Variants in NRXN3 observed in about 807,000 individuals in gnomAD.
NRXN3 encodes the protein neurexin III.
Under a neutral mutation model 137.6 loss-of-function variants are expected in NRXN3, and 32 were observed. That is an observed-to-expected ratio of 0.23 (90% CI 0.18 to 0.31). NRXN3 has a LOEUF of 0.31. Ranked by LOEUF, NRXN3 falls within the 10% of genes least tolerant of loss-of-function variation. The pLI, the probability that NRXN3 is intolerant of heterozygous loss-of-function variation, is 1.00. For missense variants in NRXN3, 1,574 were observed against 2,062.5 expected, an observed-to-expected ratio of 0.76 and a Z score of 4.59; for synonymous variants, 798 against 784.5, an observed-to-expected ratio of 1.02 and a Z score of -0.29.
intron 20 of NRXN3, among the ~76,000 whole-genome samples, chr14:79,847,720 A>G (rs1344134422): frequency 6.6e-6 from 1 of 152,158 alleles, no homozygotes; most frequent in East Asian, 1.9e-4. Flanking sequence ...TTCTCCTTAA[A>G]TCTCTTGGAA....
At chr14:79,724,280 T>A (rs1160400714) in intron 19 of NRXN3, among the ~76,000 whole-genome samples, 1 of 152,014 alleles carries the variant, frequency 6.6e-6, no homozygotes, top group Admixed American at 6.6e-5. Context: ...TGAGCTGGAG[T>A]CCTGACTGTG....
At chr14:79,810,701 A>C (rs1469581445) in intron 20 of NRXN3, among the ~76,000 whole-genome samples, 1 of 152,180 alleles carries the variant, frequency 6.6e-6, no homozygotes, top group Non-Finnish European at 1.5e-5. Context: ...CTGGATTCTT[A>C]ATCTTTATCA....
chr14:78,286,610 A>T (rs2075212882), intron 3 of NRXN3, among the ~76,000 whole-genome samples: 1 of 152,098 alleles, frequency 6.6e-6, no homozygotes, highest in South Asian at 2.1e-4. Flanking sequence ...AGCTTAGCTG[A>T]CTGTGACGAT....
At chr14:78,625,669 C>T (rs749069963) in intron 4 of NRXN3, among the ~76,000 whole-genome samples, 17 of 152,164 alleles carry the variant, frequency 1.1e-4, no homozygotes, top group Non-Finnish European at 2.4e-4. Context: ...TATCCTCCAT[C>T]AGAGGTGTAG....
At chr14:79,664,962 G>T (rs1427811262) in intron 17 of NRXN3, among the ~76,000 whole-genome samples, 2 of 152,028 alleles carry the variant, frequency 1.3e-5, no homozygotes, top group Non-Finnish European at 2.9e-5. Context: ...CAGTGAGGTG[G>T]GCACAATAAC....
At chr14:79,449,674 A>G (rs1003137190) in intron 15 of NRXN3, among the ~76,000 whole-genome samples, 2 of 152,186 alleles carry the variant, frequency 1.3e-5, no homozygotes, top group African/African-American at 4.8e-5. Context: ...ATGCAGTGTA[A>G]ATACTGATGT....
intron 15 of NRXN3, among the ~76,000 whole-genome samples, chr14:79,177,601 A>G (rs1202667042): frequency 6.6e-6 from 1 of 152,228 alleles, no homozygotes; most frequent in Non-Finnish European, 1.5e-5. Context: ...CTGAGGGATT[A>G]TTGAAACCTA....
chr14:78,658,314 T>C (rs1264420187), intron 6 of NRXN3, among the ~76,000 whole-genome samples: 14 of 152,178 alleles, frequency 9.2e-5, no homozygotes, highest in Admixed American at 7.9e-4. Context: ...TGAGCCTCGG[T>C]TTCTTCATCT....
At chr14:78,628,471 C>G (rs1233454565) in intron 4 of NRXN3, among the ~76,000 whole-genome samples, 1 of 152,146 alleles carries the variant, frequency 6.6e-6, no homozygotes, top group African/African-American at 2.4e-5. Flanking sequence ...TGACAGAACT[C>G]CTGTTTTCAC....
intron 4 of NRXN3, among the ~76,000 whole-genome samples, chr14:78,332,808 A>G (rs1253882104): frequency 7.1e-6 from 1 of 140,316 alleles, no homozygotes. Flanking sequence ...GCTTACTGGT[A>G]TGGGAGACAG....
intron 9 of NRXN3, among the ~76,000 whole-genome samples, chr14:78,807,868 C>A (rs2098886388): frequency 6.6e-6 from 1 of 150,660 alleles, no homozygotes; most frequent in South Asian, 2.1e-4. Flanking sequence ...ACATACACAT[C>A]AAAAGATATG....
intron 19 of NRXN3, 27 bp from the exon 20 acceptor site, chr14:79,805,085 C>G: frequency 6.6e-7 from 1 of 1,522,140 alleles, no homozygotes; most frequent in Non-Finnish European, 9.1e-7. Context: ...TTCCCCTACC[C>G]CATTATTTTC....
intron 15 of NRXN3, among the ~76,000 whole-genome samples, chr14:79,186,256 A>G (rs576593339): frequency 6.6e-6 from 1 of 152,222 alleles, no homozygotes; most frequent in African/African-American, 2.4e-5. Flanking sequence ...TACCTGAAAA[A>G]AAAAGGTGTT....
Position 79,783,982 on chromosome 14 carries a change from T to C in NRXN3, c.4015-21130T>C, listed in dbSNP as rs560206608. On this transcript the variant is annotated intron_variant, in intron 19 of 20. Transcript: ENST00000335750. ...GAAATTTGTCTCCTGAGAGAAAATA[T>C]TATTCTCCCTTTTAATAAAAGGATA... is the stretch of plus-strand genomic sequence containing the variant. Among the ~76,000 whole-genome samples the C allele has an allele frequency of 1.3e-4, 20 of 152,350 alleles. No homozygotes were observed. The South Asian group carries it at 4.1e-3, about 32-fold the overall frequency.
At chr14:79,352,188 C>T (rs1050708344) in intron 15 of NRXN3, among the ~76,000 whole-genome samples, 5 of 152,068 alleles carry the variant, frequency 3.3e-5, no homozygotes, top group Non-Finnish European at 7.4e-5. Context: ...TTCCTTTCTT[C>T]TGTTTCACAT....
chr14:78,930,399 G>T (rs778032111), intron 10 of NRXN3, among the ~76,000 whole-genome samples: 4 of 152,166 alleles, frequency 2.6e-5, no homozygotes, highest in African/African-American at 7.2e-5. Context: ...TAGCAGCACC[G>T]TTGCCTAAAC....
chr14:78,901,369 T>C (rs2099195805), intron 10 of NRXN3, among the ~76,000 whole-genome samples: 1 of 152,016 alleles, frequency 6.6e-6, no homozygotes, highest in Admixed American at 6.6e-5. Context: ...CTTTTAATAT[T>C]TTACATGTAT....
At chr14:79,026,219 T>C (rs903271072) in intron 15 of NRXN3, among the ~76,000 whole-genome samples, 3 of 152,132 alleles carry the variant, frequency 2.0e-5, no homozygotes, top group Admixed American at 6.6e-5. Flanking sequence ...CTCCATTCTT[T>C]TATGATGGGA....
intron 4 of NRXN3, among the ~76,000 whole-genome samples, chr14:78,345,660 A>G (rs214018): frequency 0.79 from 120,486 of 151,956 alleles, 49,471 homozygotes; most frequent in Non-Finnish European, 0.9. Flanking sequence ...GATATAGCAA[A>G]CCAATTGGTT....
Sources: allele counts gnomAD v4.1 joint callset (sites outside exome capture counted in the v4.1 genomes callset), GRCh38; gene constraint gnomAD v4.1.1; transcripts MANE v1.5; gene names NCBI Gene and HGNC (gene_info 2026-07-23, HGNC 2026-07-21).